PRKCA: variants seen among roughly 807,000 people sequenced by gnomAD.
The protein encoded by PRKCA is protein kinase C alpha.
In PRKCA, 27 loss-of-function variants were observed where a neutral mutation model predicts 87.0. That is an observed-to-expected ratio of 0.31 (90% CI 0.23 to 0.43). The LOEUF is 0.43. PRKCA is among the 20% of genes least tolerant of loss of function. The pLI is 1.00. For missense variants in PRKCA, 518 were observed against 852.3 expected, an observed-to-expected ratio of 0.61 and a Z score of 4.88; for synonymous variants, 329 against 311.1, an observed-to-expected ratio of 1.06 and a Z score of -0.61.
intron 3 of PRKCA, among the ~76,000 whole-genome samples, chr17:66,555,135 C>A (rs1393490378): frequency 1.3e-5 from 2 of 152,230 alleles, no homozygotes; most frequent in Non-Finnish European, 2.9e-5. Flanking sequence ...GCCTCGGCCT[C>A]CCAAAGTGGT....
intron 13 of PRKCA, among the ~76,000 whole-genome samples, chr17:66,765,428 A>ATATCTATATATCTATATCTATATC (rs1568020922): frequency 1.9e-5 from 2 of 102,848 alleles, no homozygotes; most frequent in African/African-American, 8.1e-5. Context: ...CTATATATAT[A>ATATCTATATATCTATATCTATATC]TATATATATA....
intron 3 of PRKCA, among the ~76,000 whole-genome samples, chr17:66,558,715 G>A (rs1173385943): frequency 6.6e-6 from 1 of 152,162 alleles, no homozygotes; most frequent in Non-Finnish European, 1.5e-5. Flanking sequence ...GACTGTAAGT[G>A]GAAAAGAGAG....
intron 3 of PRKCA, among the ~76,000 whole-genome samples, chr17:66,620,780 GC>G (rs1256755398): frequency 1.3e-5 from 2 of 152,164 alleles, no homozygotes; most frequent in Admixed American, 6.5e-5. Context: ...TATCTGGAGG[GC>G]CAAAATTTCA....
intron 5 of PRKCA, among the ~76,000 whole-genome samples, chr17:66,670,541 TAGTC>T (rs2143946433): frequency 6.6e-6 from 1 of 152,210 alleles, no homozygotes; most frequent in Admixed American, 6.5e-5. Context: ...AATCTTGAGA[TAGTC>T]AGCAGTAGAA....
chr17:66,464,003 C>G (rs1282594623), intron 2 of PRKCA, among the ~76,000 whole-genome samples: 1 of 152,074 alleles, frequency 6.6e-6, no homozygotes, highest in African/African-American at 2.4e-5. Context: ...TTTTCACTGC[C>G]CTAAAGATCT....
chr17:66,549,723 A>AC (rs113935270), intron 3 of PRKCA, among the ~76,000 whole-genome samples: 7,260 of 152,258 alleles, frequency 0.048, 479 homozygotes, highest in African/African-American at 0.14. Flanking sequence ...GAGTAAAAAA[A>AC]GACACTGATT....
At chr17:66,385,973 T>C (rs1300138396) in intron 2 of PRKCA, among the ~76,000 whole-genome samples, 1 of 152,046 alleles carries the variant, frequency 6.6e-6, no homozygotes, top group Non-Finnish European at 1.5e-5. Context: ...TTGGCCAGAC[T>C]GGTCTTGAAC....
chr17:66,752,099 T>A (rs1297500282), intron 13 of PRKCA, among the ~76,000 whole-genome samples: 1 of 152,196 alleles, frequency 6.6e-6, no homozygotes, highest in Non-Finnish European at 1.5e-5. Context: ...ACTGCTATTT[T>A]AAGAACTTGG....
chr17:66,432,103 A>G (rs1395960932), intron 2 of PRKCA, among the ~76,000 whole-genome samples: 1 of 152,220 alleles, frequency 6.6e-6, no homozygotes, highest in Non-Finnish European at 1.5e-5. Flanking sequence ...AGGTAAATTT[A>G]TTACTCATGC....
At position 66,803,580 on chromosome 17, in the gene PRKCA, G is replaced by A. The variant is rs957263554; in HGVS notation, c.1855-293G>A. On this transcript the variant is annotated intron_variant, in intron 16 of 16. Transcript: ENST00000413366. This position sits in a 1 kb window ranked among gnomAD's most constrained non-coding sequence, Gnocchi z 4.4. ...GCTCTCAGCTCCGCTTGCTCGGTGA[G>A]GTGGACGTGAGGGGACAGGGGCTGT... 5.9e-5 allele frequency among the ~76,000 whole-genome samples: 9 copies of A among 152,184 alleles called. No homozygotes were observed. The highest frequency in any genetic ancestry group is 1.3e-4 in the Non-Finnish European group (9 of 68,040).
intron 2 of PRKCA, among the ~76,000 whole-genome samples, chr17:66,440,513 A>G (rs972935606): frequency 6.6e-6 from 1 of 152,180 alleles, no homozygotes; most frequent in Non-Finnish European, 1.5e-5. Flanking sequence ...CTTAGAGTGT[A>G]GCAGAGAGAT....
At position 66,689,910 on chromosome 17, in the gene PRKCA, A is replaced by G. The variant is rs534033696; in HGVS notation, c.918+863A>G. On this transcript the variant is annotated intron_variant, in intron 8 of 16. Transcript: ENST00000413366. This position sits in a 1 kb window ranked among gnomAD's most constrained non-coding sequence, Gnocchi z 4.1. Reference sequence around the variant, plus strand: ...CTTCAGACTTGTTAGAATTCCCTGGAATTTCCCCGCTCTAGAGCAGTACAC... The same window carrying G: ...CTTCAGACTTGTTAGAATTCCCTGGGATTTCCCCGCTCTAGAGCAGTACAC... 6.6e-6 allele frequency among the ~76,000 whole-genome samples: 1 copy of G among 152,308 alleles called. No homozygotes were observed. The highest frequency in any genetic ancestry group is 6.5e-5 in the Admixed American group (1 of 15,302).
intron 3 of PRKCA, among the ~76,000 whole-genome samples, chr17:66,544,634 C>T (rs67454054): frequency 0.21 from 31,432 of 151,816 alleles, 3,543 homozygotes; most frequent in South Asian, 0.28. Context: ...GCTTTGTCAC[C>T]CAGGCTGGAG....
intron 2 of PRKCA, among the ~76,000 whole-genome samples, chr17:66,462,091 C>G (rs9748031): frequency 0.31 from 46,463 of 151,938 alleles, 7,365 homozygotes; most frequent in Middle Eastern, 0.44. Context: ...GTGATATATT[C>G]TTTTAAACGT....
chr17:66,433,666 T>C (rs1393583588), intron 2 of PRKCA, among the ~76,000 whole-genome samples: 1 of 152,156 alleles, frequency 6.6e-6, no homozygotes, highest in Non-Finnish European at 1.5e-5. Context: ...GGCCACAGCC[T>C]CCCGAGTAGC....
At chr17:66,574,570 A>C (rs1198872403) in intron 3 of PRKCA, among the ~76,000 whole-genome samples, 1 of 152,116 alleles carries the variant, frequency 6.6e-6, no homozygotes, top group African/African-American at 2.4e-5. Flanking sequence ...AATAGTGTCA[A>C]CTCTGTATAA....
chr17:66,471,153 A>G (rs1915309717), intron 2 of PRKCA, among the ~76,000 whole-genome samples: 1 of 152,174 alleles, frequency 6.6e-6, no homozygotes, highest in Admixed American at 6.5e-5. Flanking sequence ...ATGACCTAAT[A>G]TTGCATTTCC....
At chr17:66,652,851 G>A (rs555057980) in intron 5 of PRKCA, among the ~76,000 whole-genome samples, 14 of 152,296 alleles carry the variant, frequency 9.2e-5, no homozygotes, top group Admixed American at 4.6e-4. Flanking sequence ...CTTACTCTAT[G>A]ACCCTCCCCT....
At chr17:66,770,726 G>A (rs1974914959) in intron 13 of PRKCA, among the ~76,000 whole-genome samples, 1 of 152,216 alleles carries the variant, frequency 6.6e-6, no homozygotes, top group Non-Finnish European at 1.5e-5. Flanking sequence ...CTGTGTTAAG[G>A]AAGAGTGAGG....
Sources: gnomAD v4.1 joint callset for allele counts (sites outside exome capture counted in the v4.1 genomes callset) on GRCh38, gnomAD v4.1.1 for gene constraint, Gnocchi (gnomAD v3.1) non-coding constraint, MANE v1.5 for transcripts, NCBI Gene and HGNC (gene_info 2026-07-23, HGNC 2026-07-21) for gene names.